CLSTN2: variants seen among roughly 807,000 people sequenced by gnomAD.
CLSTN2 encodes the protein calsyntenin-2.
In CLSTN2, 48 loss-of-function variants were observed where a neutral mutation model predicts 101.2. The ratio of observed to expected loss-of-function variants is 0.47; its 90% confidence interval spans 0.38 to 0.60. The LOEUF (loss-of-function observed/expected upper bound fraction) is 0.60. Ranked by LOEUF, CLSTN2 falls within the 20% of genes least tolerant of loss-of-function variation. The probability of loss-of-function intolerance (pLI) is 0.00; values close to 1 mark genes in which losing one functional copy is unlikely to be tolerated. For synonymous variants in CLSTN2, 481 were observed against 463.6 expected (o/e 1.04, Z -0.48); for missense variants, 1,160 against 1,238.2 (o/e 0.94, Z 0.95).
intron 2 of CLSTN2, among the ~76,000 whole-genome samples, chr3:140,359,457 G>A (rs2087705279): frequency 6.6e-6 from 1 of 152,178 alleles, no homozygotes; most frequent in African/African-American, 2.4e-5. Context: ...AACATTATGT[G>A]TACACACATT....
chr3:140,037,178 G>A (rs1382198974), intron 1 of CLSTN2, among the ~76,000 whole-genome samples: 1 of 152,066 alleles, frequency 6.6e-6, no homozygotes, highest in Non-Finnish European at 1.5e-5. Context: ...TTTGAGCCCG[G>A]AAACTTTCAA....
At chr3:140,290,909 G>A (rs2086940625) in intron 2 of CLSTN2, among the ~76,000 whole-genome samples, 1 of 152,120 alleles carries the variant, frequency 6.6e-6, no homozygotes, top group African/African-American at 2.4e-5. Flanking sequence ...GATCTGCAAT[G>A]ATGCCCTCCT....
intron 1 of CLSTN2, among the ~76,000 whole-genome samples, chr3:140,070,223 A>G (rs773470319): frequency 6.6e-6 from 1 of 152,234 alleles, no homozygotes; most frequent in Non-Finnish European, 1.5e-5. Context: ...TTTGGTGCAG[A>G]AGAATGAATG....
intron 1 of CLSTN2, among the ~76,000 whole-genome samples, chr3:139,978,677 TG>T (rs1576384058): frequency 1.3e-5 from 2 of 150,420 alleles, no homozygotes; most frequent in East Asian, 4.0e-4. Context: ...TGTGTGTGTG[TG>T]TGTGTGTGTG....
intron 2 of CLSTN2, among the ~76,000 whole-genome samples, chr3:140,277,921 A>G (rs1235099437): frequency 5.3e-5 from 8 of 152,262 alleles, no homozygotes; most frequent in Admixed American, 5.2e-4. Context: ...TGGCTGTGAC[A>G]GCAGTGCTTT....
At chr3:139,955,898 A>G (rs1243973106) in intron 1 of CLSTN2, among the ~76,000 whole-genome samples, 1 of 152,270 alleles carries the variant, frequency 6.6e-6, no homozygotes, top group East Asian at 1.9e-4. Context: ...AGAGGGTTAG[A>G]CCCAAAGGCT....
chr3:140,412,381 C>A (rs369219103), intron 4 of CLSTN2, among the ~76,000 whole-genome samples: 27 of 152,246 alleles, frequency 1.8e-4, no homozygotes, highest in African/African-American at 6.3e-4. Context: ...CACATGTTCA[C>A]TGAAAGGTAG....
At chr3:139,999,911 C>T (rs759736094) in intron 1 of CLSTN2, among the ~76,000 whole-genome samples, 2 of 151,118 alleles carry the variant, frequency 1.3e-5, no homozygotes, top group Non-Finnish European at 2.9e-5. Context: ...GCTATGATCA[C>T]GCCACTGCAT....
At chr3:140,221,567 T>G (rs982235578) in intron 2 of CLSTN2, among the ~76,000 whole-genome samples, 3 of 152,160 alleles carry the variant, frequency 2.0e-5, no homozygotes, top group Admixed American at 6.5e-5. Context: ...GAGAAAATTA[T>G]TTGCAAACTA....
rs1355452407 is a variant in CLSTN2, at chr3:140,175,948, T to C, written c.110-3T>C. The C allele has an allele frequency of 3.1e-6, 5 of 1,607,814 alleles. No homozygotes were observed. The African/African-American group carries it at 6.7e-5, about 22-fold the overall frequency. The stretch of plus-strand genomic sequence containing the variant: ...TTTTTGTTTTTTCCCCCTTATTTTC[T>C]AGTCAATAAGCACAAGCCATGGATC... On this transcript the variant is annotated splice_region_variant and splice_polypyrimidine_tract_variant and intron_variant, in intron 1 of 16. Coordinates refer to ENST00000458420, the MANE Select transcript of CLSTN2 (RefSeq NM_022131.3).
chr3:140,175,204 G>C (rs1013565199), intron 1 of CLSTN2, among the ~76,000 whole-genome samples: 2 of 151,986 alleles, frequency 1.3e-5, no homozygotes, highest in South Asian at 4.2e-4. Context: ...GGATATCAAT[G>C]TATTTTTTTT....
intron 1 of CLSTN2, among the ~76,000 whole-genome samples, chr3:139,989,001 G>A (rs1280327251): frequency 6.6e-6 from 1 of 152,142 alleles, no homozygotes; most frequent in African/African-American, 2.4e-5. Flanking sequence ...CCTCAGCAAG[G>A]GCAGGGAAAG....
intron 2 of CLSTN2, among the ~76,000 whole-genome samples, chr3:140,342,497 C>T (rs1040264786): frequency 1.3e-5 from 2 of 152,018 alleles, no homozygotes; most frequent in Admixed American, 6.5e-5. Flanking sequence ...GGGCAGATGA[C>T]TTGCTCACCT....
intron 1 of CLSTN2, among the ~76,000 whole-genome samples, chr3:139,977,984 A>T (rs1935848886): frequency 1.3e-5 from 2 of 152,078 alleles, no homozygotes; most frequent in African/African-American, 4.8e-5. Flanking sequence ...TCCCATTTCG[A>T]CACTGGGAGG....
intron 1 of CLSTN2, among the ~76,000 whole-genome samples, chr3:140,020,757 T>C (rs2007297519): frequency 6.6e-6 from 1 of 152,222 alleles, no homozygotes; most frequent in South Asian, 2.1e-4. Context: ...GGGCACATTA[T>C]CTAAATTGTT....
At chr3:140,068,036 A>G (rs1341829500) in intron 1 of CLSTN2, among the ~76,000 whole-genome samples, 1 of 152,204 alleles carries the variant, frequency 6.6e-6, no homozygotes, top group East Asian at 1.9e-4. Flanking sequence ...AGGACTCCCA[A>G]GCCCGGGGGC....
At chr3:140,475,576 G>T (rs190665125) in intron 8 of CLSTN2, among the ~76,000 whole-genome samples, 2 of 152,144 alleles carry the variant, frequency 1.3e-5, no homozygotes, top group Non-Finnish European at 2.9e-5. Flanking sequence ...CCCTGCTGCC[G>T]TCTTACCCAC....
chr3:140,428,198 T>C (rs569821661), intron 5 of CLSTN2, among the ~76,000 whole-genome samples: 17 of 152,220 alleles, frequency 1.1e-4, no homozygotes, highest in Non-Finnish European at 2.2e-4. Context: ...TCTTATGTTA[T>C]GCTGTTTGGA....
chr3:140,064,374 T>C (rs2008262652), intron 1 of CLSTN2, among the ~76,000 whole-genome samples: 4 of 152,230 alleles, frequency 2.6e-5, no homozygotes, highest in African/African-American at 9.6e-5. Flanking sequence ...TGCTTCAGGT[T>C]CTTACTCTAT....
Sources: allele counts gnomAD v4.1 joint callset (sites outside exome capture counted in the v4.1 genomes callset), GRCh38; gene constraint gnomAD v4.1.1; transcripts MANE v1.5; gene names NCBI Gene and HGNC (gene_info 2026-07-23, HGNC 2026-07-21).